Variants in AGBL4 observed in about 807,000 individuals in gnomAD.
AGBL4 encodes the protein AGBL carboxypeptidase 4, also known as cytosolic carboxypeptidase 6.
AGBL4 carries 58 observed loss-of-function variants against 66.4 expected under a neutral mutation model. The ratio of observed to expected loss-of-function variants is 0.87; its 90% CI spans 0.71 to 1.09. The LOEUF is 1.09. Ranked by LOEUF, AGBL4 falls within the 50% of genes least tolerant of loss-of-function variation. The pLI is 0.00. For synonymous variants in AGBL4, 234 were observed against 222.9 expected, an observed-to-expected ratio of 1.05 and a Z score of -0.44; for missense variants, 579 against 631.0, an observed-to-expected ratio of 0.92 and a Z score of 0.88.
chr1:49,772,576 T>C (rs141279733), intron 2 of AGBL4, among the ~76,000 whole-genome samples: 1 of 152,310 alleles, frequency 6.6e-6, no homozygotes, highest in East Asian at 1.9e-4. Context: ...CAGTTGTTAC[T>C]TGTCTGGGAA....
At position 48,536,640 on chromosome 1, in the gene AGBL4, G is replaced by A. The variant is rs187437588; in HGVS notation, c.1365-1724C>T. On this transcript the variant is annotated intron_variant, in intron 12 of 13. Coordinates refer to ENST00000371839, the MANE Select transcript of AGBL4 (RefSeq NM_032785.4). ...GTGTGTTGAGGAGCTGACAAGCCCCGTTACACACACATACACACATCATAA... is the reference window on the plus strand; with the variant it reads ...GTGTGTTGAGGAGCTGACAAGCCCCATTACACACACATACACACATCATAA... Among the ~76,000 whole-genome samples the A allele has an allele frequency of 3.4e-3, 521 of 152,240 alleles. 2 individuals are homozygous for A. The highest frequency in any genetic ancestry group is 5.8e-3 in the South Asian group (28 of 4,816).
chr1:49,036,579 AT>A (rs1338593838), intron 5 of AGBL4, among the ~76,000 whole-genome samples: 1 of 151,932 alleles, frequency 6.6e-6, no homozygotes, highest in Non-Finnish European at 1.5e-5. Flanking sequence ...TTATTTATTT[AT>A]TTTAAGACAG....
chr1:48,901,169 G>A (rs557285306), intron 5 of AGBL4, among the ~76,000 whole-genome samples: 13 of 152,270 alleles, frequency 8.5e-5, no homozygotes, highest in African/African-American at 3.1e-4. Context: ...ACCACAATGA[G>A]ATATCACTAG....
At chr1:49,161,714 C>G (rs1419728727) in intron 4 of AGBL4, among the ~76,000 whole-genome samples, 1 of 152,090 alleles carries the variant, frequency 6.6e-6, no homozygotes, top group East Asian at 1.9e-4. Context: ...TTCTGTAACT[C>G]ACCCAAGATT....
chr1:49,115,301 T>C (rs1364832290), intron 4 of AGBL4, among the ~76,000 whole-genome samples: 2 of 152,218 alleles, frequency 1.3e-5, no homozygotes, highest in Admixed American at 6.5e-5. Context: ...GAAATTAGTA[T>C]GTGTATCTTT....
intron 6 of AGBL4, among the ~76,000 whole-genome samples, chr1:48,789,800 GAC>G (rs907596162): frequency 5.9e-5 from 9 of 152,178 alleles, no homozygotes; most frequent in African/African-American, 2.2e-4. Context: ...AGACAGCTGA[GAC>G]ACAGACTCTT....
At chr1:49,260,339 A>G (rs1653005727) in intron 3 of AGBL4, among the ~76,000 whole-genome samples, 1 of 150,872 alleles carries the variant, frequency 6.6e-6, no homozygotes, top group Non-Finnish European at 1.5e-5. Context: ...GAGACACAAA[A>G]AACCCTTCAA....
At chr1:49,940,274 A>G (rs1654605164) in intron 1 of AGBL4, among the ~76,000 whole-genome samples, 1 of 152,246 alleles carries the variant, frequency 6.6e-6, no homozygotes, top group Non-Finnish European at 1.5e-5. Context: ...TAGTTCAACC[A>G]TTGTGGAAGT....
intron 6 of AGBL4, among the ~76,000 whole-genome samples, chr1:48,864,853 T>A (rs888807791): frequency 1.3e-5 from 2 of 152,108 alleles, no homozygotes; most frequent in Non-Finnish European, 2.9e-5. Context: ...TAGGTGACTC[T>A]GGCATATAAG....
At chr1:49,416,427 T>C (rs1008226025) in intron 3 of AGBL4, among the ~76,000 whole-genome samples, 10 of 152,274 alleles carry the variant, frequency 6.6e-5, no homozygotes, top group African/African-American at 2.4e-4. Flanking sequence ...AGTTATGTGA[T>C]TTGTGGTATA....
At chr1:48,715,572 T>C (rs1281995587) in intron 6 of AGBL4, among the ~76,000 whole-genome samples, 2 of 152,114 alleles carry the variant, frequency 1.3e-5, no homozygotes, top group East Asian at 3.9e-4. Context: ...CAGGTGAGTA[T>C]TTGCTGAGTG....
chr1:48,882,629 T>C (rs1439581848), intron 5 of AGBL4, among the ~76,000 whole-genome samples: 1 of 152,202 alleles, frequency 6.6e-6, no homozygotes. Context: ...ATATTATTTT[T>C]TGTGGTGAGA....
chr1:48,884,654 G>A (rs1650132359), intron 5 of AGBL4, among the ~76,000 whole-genome samples: 1 of 152,160 alleles, frequency 6.6e-6, no homozygotes, highest in South Asian at 2.1e-4. Context: ...TAAAGATGGA[G>A]CAGACAAGAC....
rs982952227 is a variant in AGBL4, at chr1:48,882,042, A to T, written c.595-14812T>A. ...GGTGGGAGGATTGCTTGAGGTCAGG[A>T]GTTTGAGATTTTGCCTCTGAAGTCT... is the stretch of plus-strand genomic sequence containing the variant. On this transcript the variant is annotated intron_variant, in intron 5 of 13. Transcript: ENST00000371839. 5.3e-5 allele frequency among the ~76,000 whole-genome samples: 8 copies of T among 152,108 alleles called. No individual in the cohort carries two copies. The South Asian group carries it at 1.7e-3, about 32-fold the overall frequency.
intron 4 of AGBL4, among the ~76,000 whole-genome samples, chr1:49,102,595 T>G (rs992609513): frequency 2.6e-5 from 4 of 152,186 alleles, no homozygotes; most frequent in Non-Finnish European, 5.9e-5. Flanking sequence ...TTCATGTATC[T>G]CTAATGTGAG....
intron 2 of AGBL4, among the ~76,000 whole-genome samples, chr1:49,725,580 G>A (rs1366631937): frequency 6.6e-6 from 1 of 151,100 alleles, no homozygotes; most frequent in Non-Finnish European, 1.5e-5. Flanking sequence ...TCATATACCT[G>A]TTCTTATGGC....
intron 1 of AGBL4, among the ~76,000 whole-genome samples, chr1:49,939,295 T>G (rs1459295236): frequency 1.3e-5 from 2 of 150,844 alleles, no homozygotes; most frequent in Non-Finnish European, 3.0e-5. Context: ...ATTTATAGAT[T>G]CAATGCCATC....
chr1:49,916,592 C>A (rs929303715), intron 1 of AGBL4, among the ~76,000 whole-genome samples: 2 of 152,144 alleles, frequency 1.3e-5, no homozygotes, highest in African/African-American at 4.8e-5. Flanking sequence ...TGTGAAAACA[C>A]CAAATCTACG....
At chr1:48,589,252 C>T (rs1490686630) in intron 10 of AGBL4, among the ~76,000 whole-genome samples, 1 of 152,166 alleles carries the variant, frequency 6.6e-6, no homozygotes, top group African/African-American at 2.4e-5. Flanking sequence ...TCTTTACTCT[C>T]AGGTGTAAAG....
Sources: gnomAD v4.1 joint callset for allele counts (sites outside exome capture counted in the v4.1 genomes callset) on GRCh38, gnomAD v4.1.1 for gene constraint, MANE v1.5 for transcripts, NCBI Gene and HGNC (gene_info 2026-07-23, HGNC 2026-07-21) for gene names.